Variants in HHIPL1 observed in about 807,000 individuals in gnomAD.
HHIPL1 encodes HHIP like 1, also known as HHIP-like protein 1.
HHIPL1 carries 43 observed loss-of-function variants against 61.8 expected under a neutral mutation model. The ratio of observed to expected loss-of-function variants is 0.70; its 90% CI spans 0.55 to 0.90. The LOEUF (loss-of-function observed/expected upper bound fraction) is 0.90. HHIPL1 is among the 40% of genes least tolerant of loss of function. HHIPL1 has a pLI of 0.00. For missense variants in HHIPL1, 1,056 were observed against 1,157.7 expected (o/e 0.91, Z 1.28); for synonymous variants, 482 against 515.8 (o/e 0.93, Z 0.89).
At chr14:99,663,736 A>G (rs765962755) in intron 6 of HHIPL1, among the ~76,000 whole-genome samples, 1 of 152,030 alleles carries the variant, frequency 6.6e-6, no homozygotes, top group Non-Finnish European at 1.5e-5. Flanking sequence ...GTTTGTTCCT[A>G]TGGAAAATGG....
chr14:99,646,624 A>G (rs1350948125), intron 1 of HHIPL1, among the ~76,000 whole-genome samples: 4 of 152,008 alleles, frequency 2.6e-5, no homozygotes, highest in Admixed American at 6.5e-5. Context: ...AAATACAAAA[A>G]TTAACTGGGC....
At chr14:99,663,221 TC>T (rs2056183546) in intron 6 of HHIPL1, among the ~76,000 whole-genome samples, 200 bp downstream of exon 6, 1 of 152,160 alleles carries the variant, frequency 6.6e-6, no homozygotes, top group Non-Finnish European at 1.5e-5. Flanking sequence ...AAGAGAGGGT[TC>T]TTGGATCTCA....
chr14:99,610,534 TG>T, the HHIPL1 span, among the ~76,000 whole-genome samples: 1 of 152,112 alleles, frequency 6.6e-6, no homozygotes, highest in Non-Finnish European at 1.5e-5. Flanking sequence ...CCAAGGCAGG[TG>T]GATCACTTGA....
At chr14:99,649,759 G>A (rs2055896477) in intron 1 of HHIPL1, among the ~76,000 whole-genome samples, 1 of 152,240 alleles carries the variant, frequency 6.6e-6, no homozygotes, top group Non-Finnish European at 1.5e-5. Flanking sequence ...TTGTGCCACT[G>A]CACTCTAGCC....
chr14:99,604,702 C>T, the HHIPL1 span: 1 of 152,134 alleles, frequency 6.6e-6, no homozygotes, highest in Admixed American at 6.5e-5. Flanking sequence ...CGAGCCCCCT[C>T]CCCGGCCCGC....
chr14:99,659,689 C>T lies in HHIPL1; in HGVS notation c.1308C>T (p.Asn436=), dbSNP rs1595159213. 2.0e-6 allele frequency: 3 copies of T among 1,509,648 alleles called. No individual in the cohort carries two copies. Among genetic ancestry groups the T allele is most frequent in the Non-Finnish European group, 1.8e-6 (2 of 1,134,408 alleles). 93.5% of individuals were successfully genotyped at this position (1,509,648 alleles called of 1,614,324 possible). The part of the protein sequence containing the change: ...EEVDVVERGG[N]YGWRAREGFE... Reference sequence around the variant, plus strand: ...TGGACGTGGTGGAGCGCGGCGGCAACTATGGCTGGCGCGCGCGCGAAGGGT... The same window carrying T: ...TGGACGTGGTGGAGCGCGGCGGCAATTATGGCTGGCGCGCGCGCGAAGGGT... The change falls in exon 4 of 9, where the codon AAC becomes AAT. Residue 436 remains asparagine, a synonymous_variant. Coordinates refer to ENST00000330710, the MANE Select transcript of HHIPL1 (RefSeq NM_001127258.3).
chr14:99,674,999 C>A, intron 8 of HHIPL1, 92 bp from the exon 9 acceptor site: 1 of 664,302 alleles, frequency 1.5e-6, no homozygotes, highest in Non-Finnish European at 1.9e-6. Flanking sequence ...AGTCTGCGCT[C>A]TCCGCACAGG....
chr14:99,675,379 A>T lies in HHIPL1; in HGVS notation c.2102A>T (p.Asp701Val). The change falls in exon 9 of 9, where the codon GAC (aspartate) becomes GTC (valine). Residue 701 changes from aspartate to valine, a missense_variant. Asp to Val is a radical substitution (Grantham distance 152, BLOSUM62 -3). Coordinates refer to ENST00000330710, the MANE Select transcript of HHIPL1 (RefSeq NM_001127258.3). This position sits in a 1 kb window ranked among gnomAD's most constrained non-coding sequence, Gnocchi z 5.4. ...FVGGRWGTVCDDSWNISGAAV... is the reference protein window; with the variant it reads ...FVGGRWGTVCVDSWNISGAAV... ...GGCGGACGCTGGGGCACCGTGTGCG[A>T]CGACTCCTGGAACATCAGCGGCGCC... The T allele has an allele frequency of 6.6e-7, 1 of 1,515,550 alleles. No homozygotes were observed. 93.9% of individuals were successfully genotyped at this position (1,515,550 alleles called of 1,614,324 possible). A position where few individuals can be genotyped will look rare whatever the true frequency, so the allele number is the denominator to read the frequency against.
At chr14:99,610,853 A>G in the HHIPL1 span, among the ~76,000 whole-genome samples, 7 of 152,108 alleles carry the variant, frequency 4.6e-5, no homozygotes, top group Admixed American at 2.6e-4. Flanking sequence ...TGCCCTCATT[A>G]TGTTGGTACA....
At chr14:99,659,397 C>T in intron 3 of HHIPL1, 31 bp from the exon 4 acceptor site, 1 of 1,395,510 alleles carries the variant, frequency 7.2e-7, no homozygotes, top group South Asian at 1.6e-5. Flanking sequence ...AGGGCGACCC[C>T]GAGCCGCGCC....
chr14:99,636,814 C>T, the HHIPL1 span, among the ~76,000 whole-genome samples: 147 of 79,712 alleles, frequency 1.8e-3, no homozygotes, highest in African/African-American at 6.6e-3. Context: ...ACAATAAGAC[C>T]CATCTCTACA....
chr14:99,666,257 G>A (rs904269589), intron 6 of HHIPL1, among the ~76,000 whole-genome samples: 11 of 152,180 alleles, frequency 7.2e-5, no homozygotes, highest in South Asian at 2.1e-4. Context: ...ACTGAGAGAC[G>A]GGAGGACAGG....
At chr14:99,622,684 G>A in the HHIPL1 span, among the ~76,000 whole-genome samples, 6 of 152,282 alleles carry the variant, frequency 3.9e-5, no homozygotes, top group South Asian at 1.2e-3. Context: ...CACCAGGGGG[G>A]TCCTGAGTTC....
chr14:99,660,252 C>T lies in HHIPL1; in HGVS notation c.1376-28C>T, dbSNP rs1300302716. On this transcript the variant is annotated intron_variant, in intron 4 of 8. Coordinates refer to ENST00000330710, the MANE Select transcript of HHIPL1 (RefSeq NM_001127258.3). This position sits in a 1 kb window ranked among gnomAD's most constrained non-coding sequence, Gnocchi z 4.9. ...ATGAACCTTCCCGCCGCTGGCTCACCGAAGCTTCTCTCCCTCCCACCCCGC... is the reference window on the plus strand; with the variant it reads ...ATGAACCTTCCCGCCGCTGGCTCACTGAAGCTTCTCTCCCTCCCACCCCGC... The T allele has an allele frequency of 4.3e-6, 7 of 1,613,512 alleles. No individual in the cohort carries two copies. Among genetic ancestry groups the T allele is most frequent in the Non-Finnish European group, 5.1e-6 (6 of 1,179,910 alleles).
chr14:99,621,717 T>TC, the HHIPL1 span, among the ~76,000 whole-genome samples: 11 of 129,572 alleles, frequency 8.5e-5, no homozygotes, highest in African/African-American at 3.3e-4. Flanking sequence ...TTCTTTTTTT[T>TC]TTTTTTTTTT....
At position 99,652,414 on chromosome 14, in the gene HHIPL1, T is replaced by C. The variant is rs778279570; in HGVS notation, c.446T>C (p.Leu149Pro). ...AACCTTGCCAGGTTCTGCCGCTACC[T>C]GTCCCTGGATGACACGGACTACTGC... is the stretch of plus-strand genomic sequence containing the variant. Reference protein sequence around the residue: ...EGNLARFCRYLSLDDTDYCFP... With the variant: ...EGNLARFCRYPSLDDTDYCFP... Residue 149 changes from leucine (L) to proline (P), a missense_variant, in exon 2 of 9, where the codon CTG (leucine) becomes CCG (proline). By Grantham distance (98) the Leu-to-Pro change is moderately conservative (BLOSUM62 -3). Coordinates refer to ENST00000330710, the MANE Select transcript of HHIPL1 (RefSeq NM_001127258.3). The C allele has an allele frequency of 6.2e-7, 1 of 1,614,206 alleles. No individual in the cohort carries two copies. The highest frequency in any genetic ancestry group is 8.5e-7 in the Non-Finnish European group (1 of 1,180,036).
the HHIPL1 span, among the ~76,000 whole-genome samples, chr14:99,610,769 A>AG: frequency 6.6e-6 from 1 of 151,536 alleles, no homozygotes; most frequent in Non-Finnish European, 1.5e-5. Flanking sequence ...TCAAAAAAAA[A>AG]TAGTGTTTGA....
In HHIPL1 at chr14:99,659,594, G is replaced by C. The variant is rs753292488; in HGVS notation, c.1213G>C (p.Asp405His). ...NMWRCSFDRG[D>H]PSSGTGRGRL... ...GTGGCGCTGCTCCTTCGACCGTGGC[G>C]ACCCCTCCTCGGGCACTGGCCGCGG... Residue 405 changes from aspartate (D) to histidine (H), a missense_variant, in exon 4 of 9, where the codon GAC (aspartate) becomes CAC (histidine). Asp to His is a moderately conservative substitution (Grantham distance 81, BLOSUM62 -1). Transcript: ENST00000330710. 4.5e-6 allele frequency: 7 copies of C among 1,552,156 alleles called. No individual in the cohort carries two copies. The South Asian group carries it at 7.1e-5, about 16-fold the overall frequency.
chr14:99,628,686 A>G, the HHIPL1 span, among the ~76,000 whole-genome samples: 3 of 151,992 alleles, frequency 2.0e-5, no homozygotes, highest in Non-Finnish European at 4.4e-5. Context: ...TGGGGGTCAC[A>G]GGTGACCCCA....
Sources: gnomAD v4.1 joint callset for allele counts (sites outside exome capture counted in the v4.1 genomes callset) on GRCh38, gnomAD v4.1.1 for gene constraint, Gnocchi (gnomAD v3.1) non-coding constraint, MANE v1.5 for transcripts, NCBI Gene and HGNC (gene_info 2026-07-23, HGNC 2026-07-21) for gene names.